The following KLF12 variants were observed in gnomAD, a reference collection of about 807,000 sequenced individuals.
KLF12 encodes KLF transcription factor 12, also known as Krueppel-like factor 12.
KLF12 carries 9 observed loss-of-function variants against 37.8 expected under a neutral mutation model. The ratio of observed to expected loss-of-function variants is 0.24; its 90% CI spans 0.14 to 0.42. KLF12 has a LOEUF of 0.42. KLF12 is among the 10% of genes least tolerant of loss of function. The pLI is 1.00. For synonymous variants in KLF12, 208 were observed against 202.1 expected (o/e 1.03, Z -0.25); for missense variants, 411 against 516.0 (o/e 0.80, Z 1.97).
Position 73,959,124 on chromosome 13 carries a change from C to CAA in KLF12, c.34-15056_34-15055dup, listed in dbSNP as rs66521656. Among the ~76,000 whole-genome samples the CAA allele has an allele frequency of 3.2e-4, 28 of 86,896 alleles. 2 individuals are homozygous for CAA. Among genetic ancestry groups the CAA allele is most frequent in the South Asian group, 1.1e-3 (2 of 1,854 alleles). The allele number at this position is 86,896 out of a possible 152,430, so 57.0% of individuals were successfully genotyped here. A position where few individuals can be genotyped will look rare whatever the true frequency, so the allele number is the denominator to read the frequency against. On this transcript the variant is annotated intron_variant, in intron 2 of 7. Coordinates refer to ENST00000377669, the MANE Select transcript of KLF12 (RefSeq NM_007249.5). ...ATCTCTGACCTCCACACCCCCCTTC[C>CAA]AAAAAAAAACGCAGGCAAGAAAGAC...
At chr13:74,237,895 T>C in the KLF12 span, among the ~76,000 whole-genome samples, 33 of 152,186 alleles carry the variant, frequency 2.2e-4, no homozygotes, top group African/African-American at 6.0e-4. Flanking sequence ...AGAGGGACAA[T>C]TTGACTTCCT....
At chr13:74,041,464 C>A (rs1482817467) in intron 1 of KLF12, among the ~76,000 whole-genome samples, 1 of 152,078 alleles carries the variant, frequency 6.6e-6, no homozygotes, top group East Asian at 1.9e-4. Context: ...ATGAAACTGG[C>A]TTCCAACATT....
intron 3 of KLF12, among the ~76,000 whole-genome samples, chr13:73,847,435 C>CAA (rs1885091205): frequency 6.6e-6 from 1 of 152,076 alleles, no homozygotes; most frequent in Non-Finnish European, 1.5e-5. Context: ...TTTTGGTGTG[C>CAA]TATTCCCCCT....
At chr13:74,153,616 A>T in the KLF12 span, among the ~76,000 whole-genome samples, 161 of 152,292 alleles carry the variant, frequency 1.1e-3, 2 homozygotes, top group African/African-American at 3.8e-3. Context: ...CACTCATATT[A>T]AGAATCTCAA....
At chr13:74,234,860 T>G in the KLF12 span, among the ~76,000 whole-genome samples, 1 of 152,206 alleles carries the variant, frequency 6.6e-6, no homozygotes, top group African/African-American at 2.4e-5. Flanking sequence ...TTTCTTTTAT[T>G]TAAAATTTAT....
chr13:74,209,519 T>G, the KLF12 span, among the ~76,000 whole-genome samples: 1 of 77,288 alleles, frequency 1.3e-5, no homozygotes, highest in African/African-American at 5.2e-5. Context: ...GATAACATCT[T>G]AGTCACACAC....
the KLF12 span, chr13:74,289,015 T>C: frequency 6.6e-6 from 1 of 152,230 alleles, no homozygotes; most frequent in African/African-American, 2.4e-5. Flanking sequence ...ATTTTCTGAA[T>C]ATTTATAGCT....
At chr13:73,992,650 T>C (rs1202631700) in intron 2 of KLF12, among the ~76,000 whole-genome samples, 3 of 152,164 alleles carry the variant, frequency 2.0e-5, no homozygotes, top group Non-Finnish European at 4.4e-5. Flanking sequence ...ACTGGCAAAC[T>C]GGAAACGTAC....
intron 1 of KLF12, among the ~76,000 whole-genome samples, chr13:74,096,310 C>T (rs1201255623): frequency 6.6e-6 from 1 of 152,146 alleles, no homozygotes; most frequent in East Asian, 1.9e-4. Context: ...TACCCACTGC[C>T]CCTTTCACTG....
intron 2 of KLF12, among the ~76,000 whole-genome samples, chr13:73,992,150 A>C (rs1238178907): frequency 1.3e-5 from 2 of 152,236 alleles, no homozygotes; most frequent in Non-Finnish European, 2.9e-5. Flanking sequence ...CCAGCTGCTG[A>C]GAAGCACTGG....
At position 73,690,908 on chromosome 13, in the gene KLF12, C is replaced by G. The variant is rs747885347; in HGVS notation, c.*4582G>C. On this transcript the variant is annotated 3_prime_UTR_variant, in exon 8 of 8. Coordinates refer to ENST00000377669, the MANE Select transcript of KLF12 (RefSeq NM_007249.5). ...TTCTATTTCATTTTCTTATGAAAAT[C>G]TGGATTTCTATTGCAATTGCTCAGT... 54 of 152,620 alleles carry G rather than the reference C, an allele frequency of 3.5e-4. No homozygotes were observed. The highest frequency in any genetic ancestry group is 6.5e-4 in the Non-Finnish European group (44 of 67,996). The allele number at this position is 152,620 out of a possible 1,614,324, so 9.5% of individuals were successfully genotyped here.
Position 73,732,710 on chromosome 13 carries a change from A to G in KLF12, c.870-17185T>C, listed in dbSNP as rs542349882. Among the ~76,000 whole-genome samples, 4 of 152,192 alleles carry G rather than the reference A, an allele frequency of 2.6e-5. No individual in the cohort carries two copies. In the East Asian group the frequency reaches 7.7e-4, roughly 29 times the overall value. Reference sequence around the variant, plus strand: ...GATCTTGCTCATTCCCATGTTTCGCATGGTGTGTTTCATATACCTTTTTGT... The same window carrying G: ...GATCTTGCTCATTCCCATGTTTCGCGTGGTGTGTTTCATATACCTTTTTGT... On this transcript the variant is annotated intron_variant, in intron 6 of 7. Transcript: ENST00000377669.
intron 1 of KLF12, among the ~76,000 whole-genome samples, chr13:74,025,927 C>A (rs1171418233): frequency 5.9e-5 from 9 of 152,134 alleles, no homozygotes; most frequent in African/African-American, 2.4e-5. Flanking sequence ...AGGCTGAAAA[C>A]ATTATTTGGT....
chr13:74,137,313 G>C (rs187153440), upstream of KLF12, among the ~76,000 whole-genome samples: 4 of 152,296 alleles, frequency 2.6e-5, no homozygotes, highest in East Asian at 7.7e-4. Flanking sequence ...CATAGAATTT[G>C]GGGGTTGAAA....
intron 6 of KLF12, among the ~76,000 whole-genome samples, chr13:73,730,860 C>T (rs191974993): frequency 2.6e-5 from 4 of 152,094 alleles, no homozygotes; most frequent in East Asian, 3.9e-4. Flanking sequence ...ACCAGGGCCA[C>T]GTATGACAGA....
At chr13:73,977,218 T>A (rs1266513367) in intron 2 of KLF12, among the ~76,000 whole-genome samples, 1 of 151,718 alleles carries the variant, frequency 6.6e-6, no homozygotes, top group Non-Finnish European at 1.5e-5. Context: ...AGCTTTTGTA[T>A]TTTTTTTGTA....
At chr13:74,270,729 G>T in the KLF12 span, among the ~76,000 whole-genome samples, 1 of 152,110 alleles carries the variant, frequency 6.6e-6, no homozygotes, top group Non-Finnish European at 1.5e-5. Context: ...TAGCTGGTTG[G>T]GTAGATGTGC....
rs1041454335 is a variant in KLF12 at position 74,104,826 on chromosome 13, T to C, written c.-32+28913A>G. Among the ~76,000 whole-genome samples, 94 of 152,282 alleles carry C rather than the reference T, an allele frequency of 6.2e-4. 1 individual carries two copies. Among genetic ancestry groups the C allele is most frequent in the African/African-American group, 2.1e-3 (88 of 41,564 alleles). On this transcript the variant is annotated intron_variant, in intron 1 of 7. Transcript: ENST00000377669. Reference sequence around the variant, plus strand: ...AGAGTGGTGACCAGGAGATAAAATATGGAGGGCATAGGCTCTCATACTTGA... The same window carrying C: ...AGAGTGGTGACCAGGAGATAAAATACGGAGGGCATAGGCTCTCATACTTGA...
chr13:74,191,036 T>C, the KLF12 span, among the ~76,000 whole-genome samples: 2 of 152,254 alleles, frequency 1.3e-5, no homozygotes, highest in African/African-American at 2.4e-5. Flanking sequence ...ACACTCAATA[T>C]GCTTTTGAAG....
Sources: gnomAD v4.1 joint callset for allele counts (sites outside exome capture counted in the v4.1 genomes callset) on GRCh38, gnomAD v4.1.1 for gene constraint, MANE v1.5 for transcripts, NCBI Gene and HGNC (gene_info 2026-07-23, HGNC 2026-07-21) for gene names.